ARMC6: variants seen among roughly 807,000 people sequenced by gnomAD.
ARMC6 encodes the protein armadillo repeat containing 6, also known as armadillo repeat-containing protein 6.
ARMC6 carries 43 observed loss-of-function variants against 49.2 expected under a neutral mutation model. The ratio of observed to expected loss-of-function variants is 0.87; its 90% CI spans 0.69 to 1.13. ARMC6 has a LOEUF of 1.13. Among genes scored for constraint, ARMC6 ranks in the 50% most tolerant of loss-of-function variants. The probability of loss-of-function intolerance (pLI) is 0.00; values close to 1 mark genes in which losing one functional copy is unlikely to be tolerated. For synonymous variants in ARMC6, 262 were observed against 289.6 expected (o/e 0.90, Z 0.97); for missense variants, 627 against 682.0 (o/e 0.92, Z 0.90).
At chr19:19,034,099 T>C in intron 1 of ARMC6, 32 bp from the exon 2 acceptor site, 1 of 743,256 alleles carries the variant, frequency 1.3e-6, no homozygotes, top group Non-Finnish European at 2.3e-6. Flanking sequence ...TGGCATTCGC[T>C]TTATTTTCAT....
At position 19,052,207 on chromosome 19, in the gene ARMC6, G is replaced by A. The variant is rs114315691; in HGVS notation, c.853+12G>A. 3.9e-4 allele frequency: 617 copies of A among 1,572,578 alleles called. 2 individuals are homozygous for A. In the African/African-American group the frequency reaches 7.6e-3, roughly 19 times the overall value. On this transcript the variant is annotated intron_variant, in intron 5 of 8. Coordinates refer to ENST00000535612, the MANE Select transcript of ARMC6 (RefSeq NM_001199196.2). Reference sequence around the variant, plus strand: ...CGAAGCCACCAAAGGTAAGAGCTGGGGGCCGACACGAGCCAGCGAACAAAG... The same window carrying A: ...CGAAGCCACCAAAGGTAAGAGCTGGAGGCCGACACGAGCCAGCGAACAAAG...
intron 4 of ARMC6, among the ~76,000 whole-genome samples, chr19:19,046,580 C>A (rs968478762): frequency 6.6e-6 from 1 of 152,014 alleles, no homozygotes; most frequent in Non-Finnish European, 1.5e-5. Flanking sequence ...CTGCAGCTTC[C>A]TTCTCCCAGG....
intron 5 of ARMC6, among the ~76,000 whole-genome samples, chr19:19,052,671 G>A (rs779645554): frequency 6.6e-6 from 1 of 152,112 alleles, no homozygotes. Flanking sequence ...AGTGCTGACC[G>A]TCAGACCCTA....
chr19:19,049,013 T>TC (rs1334306236), intron 4 of ARMC6, among the ~76,000 whole-genome samples: 1 of 151,828 alleles, frequency 6.6e-6, no homozygotes, highest in African/African-American at 2.4e-5. Flanking sequence ...ACCTTTGGAA[T>TC]ACCTTTGGCC....
chr19:19,046,044 C>T (rs981924916), intron 4 of ARMC6, among the ~76,000 whole-genome samples: 5 of 152,280 alleles, frequency 3.3e-5, no homozygotes, highest in South Asian at 2.1e-4. Flanking sequence ...TCAGTGACCA[C>T]GCCCCTGCAC....
At chr19:19,046,927 G>GTTGT (rs1555758315) in intron 4 of ARMC6, among the ~76,000 whole-genome samples, 4 of 104,374 alleles carry the variant, frequency 3.8e-5, no homozygotes, top group African/African-American at 1.1e-4. Flanking sequence ...ATGCTCACCT[G>GTTGT]TTTTTTTTTT....
chr19:19,057,488 G>A lies in ARMC6; in HGVS notation c.1366G>A (p.Gly456Arg), dbSNP rs144920699. ...QAFSKPILDLGAEALIMQARS... is the reference protein window; with the variant it reads ...QAFSKPILDLRAEALIMQARS... ...CTTCTCGAAGCCCATCCTGGACCTGGGGGCTGAGGCACTCATCATGCAGGC... is the reference window on the plus strand; with the variant it reads ...CTTCTCGAAGCCCATCCTGGACCTGAGGGCTGAGGCACTCATCATGCAGGC... The change falls in exon 9 of 9, where the codon GGG (glycine) becomes AGG (arginine). Residue 456 changes from glycine to arginine, a missense_variant. Gly to Arg is a moderately radical substitution (Grantham distance 125, BLOSUM62 -2). Coordinates refer to ENST00000535612, the MANE Select transcript of ARMC6 (RefSeq NM_001199196.2). The A allele has an allele frequency of 4.3e-6, 7 of 1,613,938 alleles. No individual in the cohort carries two copies. The highest frequency in any genetic ancestry group is 5.9e-6 in the Non-Finnish European group (7 of 1,180,030).
At chr19:19,048,701 T>C (rs992443961) in intron 4 of ARMC6, among the ~76,000 whole-genome samples, 1 of 152,156 alleles carries the variant, frequency 6.6e-6, no homozygotes, top group African/African-American at 2.4e-5. Flanking sequence ...GGTGCCAGAC[T>C]CTTAGTTAAT....
intron 2 of ARMC6, among the ~76,000 whole-genome samples, chr19:19,035,767 A>C (rs1266853442): frequency 1.1e-4 from 1 of 8,928 alleles, no homozygotes. Context: ...GGTGTCAATC[A>C]GTTAGAAAGC....
At chr19:19,042,508 C>T (rs1049259198) in intron 2 of ARMC6, among the ~76,000 whole-genome samples, 1 of 152,188 alleles carries the variant, frequency 6.6e-6, no homozygotes, top group African/African-American at 2.4e-5. Flanking sequence ...CCATCACACC[C>T]GGCCTCTTCT....
chr19:19,045,490 A>ATTTTTTTTTTTTTTTTTT lies in ARMC6; in HGVS notation c.279+1418_279+1419insTTTTTTTTTTTTTTTTTT, dbSNP rs1355279150. ...TCTTAAGTGCTCAGCATTATGCTAAATTCTTTTTTTTTTTGAGACAAGAGT... is the reference window on the plus strand; with the variant it reads ...TCTTAAGTGCTCAGCATTATGCTAAATTTTTTTTTTTTTTTTTTTTCTTTTTTTTTTTGAGACAAGAGT... On this transcript the variant is annotated intron_variant, in intron 4 of 8. Coordinates refer to ENST00000535612, the MANE Select transcript of ARMC6 (RefSeq NM_001199196.2). Among the ~76,000 whole-genome samples the ATTTTTTTTTTTTTTTTTT allele has an allele frequency of 4.9e-3, 137 of 27,974 alleles. 8 individuals are homozygous for ATTTTTTTTTTTTTTTTTT. The highest frequency in any genetic ancestry group is 7.8e-3 in the East Asian group (5 of 644). The allele number at this position is 27,974 out of a possible 152,430, so 18.4% of individuals were successfully genotyped here. A position where few individuals can be genotyped will look rare whatever the true frequency, so the allele number is the denominator to read the frequency against.
chr19:19,043,442 C>T (rs1326958886), intron 3 of ARMC6, among the ~76,000 whole-genome samples: 1 of 152,188 alleles, frequency 6.6e-6, no homozygotes, highest in African/African-American at 2.4e-5. Flanking sequence ...CACTCCCCTC[C>T]TCCTGCCCCC....
intron 2 of ARMC6, among the ~76,000 whole-genome samples, chr19:19,038,350 A>G (rs1184361170): frequency 6.6e-6 from 1 of 152,214 alleles, no homozygotes; most frequent in Non-Finnish European, 1.5e-5. Context: ...ATTGTCTTCC[A>G]CGAAACTGGT....
Position 19,057,428 on chromosome 19 carries a change from A to G in ARMC6, c.1306A>G (p.Met436Val), listed in dbSNP as rs1426069639. The G allele has an allele frequency of 3.1e-6, 5 of 1,613,080 alleles. No homozygotes were observed. The highest frequency in any genetic ancestry group is 4.5e-5 in the East Asian group (2 of 44,872). Residue 436 changes from methionine to valine, a missense_variant, in exon 9 of 9, where the codon ATG becomes GTG. Coordinates refer to ENST00000535612, the MANE Select transcript of ARMC6 (RefSeq NM_001199196.2). ...CTCTCTCCTACAGAAACAGGCTTGC[A>G]TGCTGATCCGAAACCTGGTGGCCCA... ...QKAGVQKQAC[M>V]LIRNLVAHGQ...
In ARMC6 at chr19:19,052,163, A is replaced by G; in HGVS notation, c.821A>G (p.Lys274Arg). The G allele has an allele frequency of 6.2e-7, 1 of 1,609,872 alleles. No individual in the cohort carries two copies. Among genetic ancestry groups the G allele is most frequent in the South Asian group, 1.1e-5 (1 of 90,660 alleles). ...NHAKMIVQEN[K>R]GLKVLIEATK... The stretch of plus-strand genomic sequence containing the variant: ...GCCAAGATGATTGTGCAGGAGAACA[A>G]AGGCTTGAAGGTGCTCATCGAAGCC... The change falls in exon 5 of 9, where the codon AAA (lysine) becomes AGA (arginine). Residue 274 changes from lysine (K) to arginine (R), a missense_variant. Coordinates refer to ENST00000535612, the MANE Select transcript of ARMC6 (RefSeq NM_001199196.2).
At chr19:19,036,610 T>G (rs893080316) in intron 2 of ARMC6, among the ~76,000 whole-genome samples, 1 of 152,170 alleles carries the variant, frequency 6.6e-6, no homozygotes, top group Admixed American at 6.5e-5. Context: ...ATATTACTCT[T>G]CCTTCACCTT....
Position 19,033,931 on chromosome 19 carries a change from G to A in ARMC6, c.-80+1G>A. 2.2e-6 allele frequency: 1 copy of A among 452,338 alleles called. No homozygotes were observed. Among genetic ancestry groups the A allele is most frequent in the Non-Finnish European group, 4.0e-6 (1 of 251,156 alleles). The allele number at this position is 452,338 out of a possible 1,614,324, so 28.0% of individuals were successfully genotyped here. ...TTCCCCACGTGGCCGCGAAGACCGG[G>A]TGAGACGCTGCGGCTGCCGAGGCCT... On this transcript the variant is annotated splice_donor_variant, in intron 1 of 8. Transcript: ENST00000535612. LOFTEE classifies it low-confidence loss of function (5UTR_SPLICE).
At position 19,055,086 on chromosome 19, in the gene ARMC6, T is replaced by C. The variant is rs79074851; in HGVS notation, c.1024-179T>C. ...GTAGGGGATCAAGTCACCTGGATGG[T>C]ACCGTTTGGACACAGGCAGCCTGAG... is the stretch of plus-strand genomic sequence containing the variant. On this transcript the variant is annotated intron_variant, in intron 6 of 8. Transcript: ENST00000535612. This position sits in a 1 kb window ranked among gnomAD's most constrained non-coding sequence, Gnocchi z 5.7. Among the ~76,000 whole-genome samples the C allele has an allele frequency of 2.9e-3, 445 of 152,300 alleles. 1 individual carries two copies. Among genetic ancestry groups the C allele is most frequent in the African/African-American group, 0.01 (429 of 41,558 alleles).
chr19:19,052,401 C>T (rs561409146), intron 5 of ARMC6, among the ~76,000 whole-genome samples: 14 of 152,308 alleles, frequency 9.2e-5, no homozygotes, highest in African/African-American at 3.4e-4. Flanking sequence ...GGCCAGCACT[C>T]AGGGGCCAGG....
Sources: allele counts gnomAD v4.1 joint callset (sites outside exome capture counted in the v4.1 genomes callset), GRCh38; gene constraint gnomAD v4.1.1; non-coding constraint Gnocchi (gnomAD v3.1); transcripts MANE v1.5; gene names NCBI Gene and HGNC (gene_info 2026-07-23, HGNC 2026-07-21).